INTS6: variants seen among roughly 807,000 people sequenced by gnomAD.
INTS6 encodes the protein integrator complex subunit 6, also known as DEAD box protein.
A neutral mutation model predicts 104.9 loss-of-function variants in INTS6; 16 were observed. The observed-to-expected ratio is 0.15, with a 90% CI of 0.10 to 0.23. INTS6 has a LOEUF of 0.23. Ranked by LOEUF, INTS6 falls within the 10% of genes least tolerant of loss-of-function variation. The pLI is 1.00. For missense variants in INTS6, 584 were observed against 1,062.8 expected (o/e 0.55, Z 6.26); for synonymous variants, 324 against 358.7 (o/e 0.90, Z 1.09).
At chr13:51,417,526 C>A (rs1956812568) in intron 4 of INTS6, among the ~76,000 whole-genome samples, 1 of 149,992 alleles carries the variant, frequency 6.7e-6, no homozygotes, top group African/African-American at 2.5e-5. Context: ...GCGATCTCAG[C>A]TCCCTGCAAC....
Position 51,452,460 on chromosome 13 carries a change from G to A in INTS6, c.66C>T (p.Thr22=), listed in dbSNP as rs1351309356. Residue 22 remains threonine, a synonymous_variant, in exon 1 of 18, where the codon ACC becomes ACT. Coordinates refer to ENST00000311234, the MANE Select transcript of INTS6 (RefSeq NM_012141.3). This position sits in a 1 kb window ranked among gnomAD's most constrained non-coding sequence, Gnocchi z 4.2. ...ASMNQRSHLG[T]TYLDTAKGAV... ...CGCCTTTGGCCGTGTCCAGGTAGGTGGTGCCCAGATGGCTGCGCTGGTTCA... is the reference window on the plus strand; with the variant it reads ...CGCCTTTGGCCGTGTCCAGGTAGGTAGTGCCCAGATGGCTGCGCTGGTTCA... The A allele has an allele frequency of 1.2e-6, 2 of 1,612,268 alleles. No individual in the cohort carries two copies. Among genetic ancestry groups the A allele is most frequent in the Non-Finnish European group, 1.7e-6 (2 of 1,178,918 alleles).
chr13:51,445,572 T>C (rs186941010), intron 3 of INTS6: 5 of 152,360 alleles, frequency 3.3e-5, no homozygotes, highest in Non-Finnish European at 7.4e-5. Flanking sequence ...AAAGGTACAA[T>C]GGCTTCATTA....
At chr13:51,407,873 C>T (rs1956601500) in intron 4 of INTS6, among the ~76,000 whole-genome samples, 2 of 151,776 alleles carry the variant, frequency 1.3e-5, no homozygotes, top group South Asian at 4.2e-4. Context: ...AAAAATTAGC[C>T]AGACATGGTG....
chr13:51,379,724 A>C (rs540455140), intron 10 of INTS6, 152 bp from the exon 11 acceptor site: 95 of 445,896 alleles, frequency 2.1e-4, no homozygotes, highest in Non-Finnish European at 6.7e-5. Context: ...TTTCAGTAAA[A>C]TGTTTGTCAG....
intron 4 of INTS6, among the ~76,000 whole-genome samples, chr13:51,409,262 CAAA>C (rs1293017310): frequency 2.0e-5 from 2 of 102,512 alleles, no homozygotes; most frequent in Admixed American, 1.2e-4. Flanking sequence ...GAATCCGTCT[CAAA>C]TAATAATAAT....
intron 3 of INTS6, among the ~76,000 whole-genome samples, chr13:51,432,869 A>C (rs1475384433): frequency 6.6e-6 from 1 of 152,308 alleles, no homozygotes; most frequent in East Asian, 1.9e-4. Flanking sequence ...TATGATATAT[A>C]ATCTCTACTC....
At chr13:51,436,760 T>C (rs1460513769) in intron 3 of INTS6, 1 of 152,160 alleles carries the variant, frequency 6.6e-6, no homozygotes, top group African/African-American at 2.4e-5. Flanking sequence ...TCTGAAATAT[T>C]AATAATTTGG....
At position 51,383,342 on chromosome 13, in the gene INTS6, A is replaced by G. The variant is rs373227445; in HGVS notation, c.1167T>C (p.Leu389=). 5 of 1,610,948 alleles carry G rather than the reference A, an allele frequency of 3.1e-6. No homozygotes were observed. The highest frequency in any genetic ancestry group is 4.2e-6 in the Non-Finnish European group (5 of 1,178,518). ...AGAATGACTTACCTAAGAGGGGAAG[A>G]AGGACTGGATAATTGTAAGGCATCA... is the stretch of plus-strand genomic sequence containing the variant. The part of the protein sequence containing the change: ...LFVMPYNYPV[L]LPLLDDLFKV... Residue 389 remains leucine (L), a synonymous_variant, in exon 9 of 18, where the codon CTT becomes CTC. Coordinates refer to ENST00000311234, the MANE Select transcript of INTS6 (RefSeq NM_012141.3).
In INTS6 at chr13:51,452,343, G is replaced by T. The variant is rs12870580; in HGVS notation, c.111+72C>A. The T allele has an allele frequency of 1.5e-6, 2 of 1,291,918 alleles. No homozygotes were observed. The highest frequency in any genetic ancestry group is 2.0e-6 in the Non-Finnish European group (2 of 1,017,474). The allele number at this position is 1,291,918 out of a possible 1,614,324, so 80.0% of individuals were successfully genotyped here. ...TCAGGTCCCCGACACCCCCGCCCCG[G>T]CCGCCCTCCCCCACCCTGCCGCCCG... On this transcript the variant is annotated intron_variant, in intron 1 of 17. Transcript: ENST00000311234. The surrounding 1 kb of genome is among the most constrained non-coding windows in gnomAD (Gnocchi z 4.2).
chr13:51,361,450 C>G, downstream of INTS6: 1 of 843,478 alleles, frequency 1.2e-6, no homozygotes, highest in East Asian at 2.6e-5. Flanking sequence ...ACTTCTGAAT[C>G]TTTCCATAAC....
At chr13:51,391,573 T>G (rs959166857) in intron 5 of INTS6, among the ~76,000 whole-genome samples, 1 of 152,216 alleles carries the variant, frequency 6.6e-6, no homozygotes, top group African/African-American at 2.4e-5. Context: ...TACAACACTT[T>G]GTGCTAATGC....
intron 7 of INTS6, among the ~76,000 whole-genome samples, 169 bp downstream of exon 7, chr13:51,387,217 G>C (rs1956156574): frequency 6.6e-6 from 1 of 152,166 alleles, no homozygotes; most frequent in Non-Finnish European, 1.5e-5. Context: ...CAAAGTAACA[G>C]GGTTATCATA....
At chr13:51,431,185 T>G (rs1370503679) in intron 3 of INTS6, among the ~76,000 whole-genome samples, 3 of 152,196 alleles carry the variant, frequency 2.0e-5, no homozygotes, top group Non-Finnish European at 4.4e-5. Context: ...CTTTTACATA[T>G]AAATGGCTCC....
At chr13:51,349,221 G>A (rs1955382242), downstream of INTS6, among the ~76,000 whole-genome samples, 4 of 152,172 alleles carry the variant, frequency 2.6e-5, no homozygotes, top group South Asian at 8.3e-4. Flanking sequence ...GCTTCCAGTA[G>A]GCAAAGGCAA....
At chr13:51,340,975 C>A in the INTS6 span, 5 of 1,200,292 alleles carry the variant, frequency 4.2e-6, no homozygotes, top group East Asian at 9.4e-5. Flanking sequence ...CGTCCCTAGC[C>A]CCTAAAAACA....
chr13:51,372,592 T>C (rs1013184293), intron 15 of INTS6, among the ~76,000 whole-genome samples: 1 of 152,122 alleles, frequency 6.6e-6, no homozygotes, highest in East Asian at 1.9e-4. Flanking sequence ...AAACTCAATA[T>C]TCATCTTCTA....
rs996333821 is a variant in INTS6, at chr13:51,368,893, G to A, written c.2476+46C>T. Reference sequence around the variant, plus strand: ...TTTTTTTTTCTTTTTTGCTTTTTGAGCACATACAGAAATCAGATCTGAGGT... The same window carrying A: ...TTTTTTTTTCTTTTTTGCTTTTTGAACACATACAGAAATCAGATCTGAGGT... On this transcript the variant is annotated intron_variant, in intron 16 of 17. Coordinates refer to ENST00000311234, the MANE Select transcript of INTS6 (RefSeq NM_012141.3). The A allele has an allele frequency of 3.3e-6, 5 of 1,502,118 alleles. No individual in the cohort carries two copies. In the African/African-American group the frequency reaches 5.6e-5, roughly 17 times the overall value. The allele number at this position is 1,502,118 out of a possible 1,614,324, so 93.0% of individuals were successfully genotyped here.
intron 5 of INTS6, among the ~76,000 whole-genome samples, chr13:51,392,264 C>G (rs1956257454): frequency 6.6e-6 from 1 of 152,234 alleles, no homozygotes; most frequent in Non-Finnish European, 1.5e-5. Flanking sequence ...TTATTGTAGC[C>G]TAAAGAGCCA....
intron 4 of INTS6, chr13:51,421,150 A>G (rs1593741611): frequency 5.1e-6 from 5 of 985,842 alleles, no homozygotes; most frequent in Non-Finnish European, 4.8e-6. Context: ...GATGACTAGC[A>G]TCAGACTTTT....
Sources: allele counts gnomAD v4.1 joint callset (sites outside exome capture counted in the v4.1 genomes callset), GRCh38; gene constraint gnomAD v4.1.1; non-coding constraint Gnocchi (gnomAD v3.1); transcripts MANE v1.5; gene names NCBI Gene and HGNC (gene_info 2026-07-23, HGNC 2026-07-21).